MEI1: variants seen among roughly 807,000 people sequenced by gnomAD.
MEI1 encodes meiosis inhibitor protein 1.
MEI1 carries 103 observed loss-of-function variants against 146.2 expected under a neutral mutation model. That is an observed-to-expected ratio of 0.70 (90% CI 0.60 to 0.83). MEI1 has a LOEUF of 0.83. Ranked by LOEUF, MEI1 falls within the 40% of genes least tolerant of loss-of-function variation. MEI1 has a pLI of 0.00. For missense variants in MEI1, 1,529 were observed against 1,533.0 expected, an observed-to-expected ratio of 1.00 and a Z score of 0.04; for synonymous variants, 652 against 628.2, an observed-to-expected ratio of 1.04 and a Z score of -0.57.
At chr22:41,720,522 C>T (rs914191054) in intron 6 of MEI1, among the ~76,000 whole-genome samples, 3 of 151,852 alleles carry the variant, frequency 2.0e-5, no homozygotes, top group Non-Finnish European at 4.4e-5. Context: ...CCTTGACCTC[C>T]AGGGCTTAAA....
At chr22:41,732,153 A>C (rs1344471017) in intron 9 of MEI1, 92 bp from the exon 10 acceptor site, 2 of 995,784 alleles carry the variant, frequency 2.0e-6, no homozygotes, top group Non-Finnish European at 3.0e-6. Flanking sequence ...CAACTCATAC[A>C]TGCTGTCCAG....
At chr22:41,798,246 C>T (rs1253144611) in intron 30 of MEI1, among the ~76,000 whole-genome samples, 6 of 151,822 alleles carry the variant, frequency 4.0e-5, no homozygotes, top group Non-Finnish European at 8.8e-5. Context: ...CACACACACA[C>T]AATGTGTGTG....
rs1189212836 is a variant in MEI1, at chr22:41,732,505, C to G, written c.1233C>G (p.Ala411=). The G allele has an allele frequency of 1.2e-6, 2 of 1,613,908 alleles. No homozygotes were observed. The highest frequency in any genetic ancestry group is 3.3e-5 in the Admixed American group (2 of 60,018). Residue 411 remains alanine, a synonymous_variant, in exon 11 of 31, where the codon GCC becomes GCG. Coordinates refer to ENST00000401548, the MANE Select transcript of MEI1 (RefSeq NM_152513.4). Reference sequence around the variant, plus strand: ...AGATCAAGCTGTTCACAAGCTCAGCCATGTGCAGAGATGCTGGCCGTGCCC... The same window carrying G: ...AGATCAAGCTGTTCACAAGCTCAGCGATGTGCAGAGATGCTGGCCGTGCCC... ...PEEIKLFTSS[A]MCRDAGRALQ...
Position 41,793,937 on chromosome 22 carries a change from T to G in MEI1, c.3427+27T>G, listed in dbSNP as rs78516631. 9.4e-6 allele frequency: 15 copies of G among 1,594,024 alleles called. 1 individual carries two copies. In the East Asian group the frequency reaches 1.1e-4, roughly 12 times the overall value. On this transcript the variant is annotated intron_variant, in intron 27 of 30. Transcript: ENST00000401548. ...TAGAAACTCTCCACATTATCTGATG[T>G]TCCCATGAGAGAGATTAGAGGGAGC... is the stretch of plus-strand genomic sequence containing the variant.
In MEI1 at chr22:41,781,307, A is replaced by G; in HGVS notation, c.2839A>G (p.Ser947Gly). The G allele has an allele frequency of 1.9e-6, 3 of 1,612,774 alleles. No individual in the cohort carries two copies. ...AGTAAGCAAGCTGTGTGGGAAGTGC[A>G]GCCCCACTGACGTGGACATCCTGCA... The part of the protein sequence containing the change: ...HQVSKLCGKC[S>G]PTDVDILQPS... Residue 947 changes from serine to glycine, a missense_variant, in exon 23 of 31, where the codon AGC becomes GGC. This residue lies in a region of MEI1 where 1,212 missense variants were observed against 1,178.9 expected (regional missense o/e 1.03). Coordinates refer to ENST00000401548, the MANE Select transcript of MEI1 (RefSeq NM_152513.4).
intron 26 of MEI1, among the ~76,000 whole-genome samples, chr22:41,786,654 G>A (rs557140238): frequency 6.6e-6 from 1 of 152,326 alleles, no homozygotes; most frequent in East Asian, 1.9e-4. Context: ...CATGGCTGGG[G>A]CATGGGATGC....
chr22:41,767,489 C>G, intron 19 of MEI1: 1 of 445,122 alleles, frequency 2.2e-6, no homozygotes, highest in Non-Finnish European at 4.6e-6. Context: ...CTGAGGATCC[C>G]CAATAGCCAG....
chr22:41,699,714 T>A lies in MEI1; in HGVS notation c.174+2T>A. On this transcript the variant is annotated splice_donor_variant, in intron 1 of 30. Coordinates refer to ENST00000401548, the MANE Select transcript of MEI1 (RefSeq NM_152513.4). LOFTEE classifies it high-confidence loss of function. Reference sequence around the variant, plus strand: ...CTGCTGCCGGACCCCGGCGTGTCGGTGCGGGCGGAACCTTTTCTTCAGAAG... The same window carrying A: ...CTGCTGCCGGACCCCGGCGTGTCGGAGCGGGCGGAACCTTTTCTTCAGAAG... 6.4e-7 allele frequency: 1 copy of A among 1,561,118 alleles called. No homozygotes were observed. The highest frequency in any genetic ancestry group is 8.7e-7 in the Non-Finnish European group (1 of 1,154,540).
chr22:41,793,409 C>G (rs998987786), intron 26 of MEI1, among the ~76,000 whole-genome samples: 1 of 152,136 alleles, frequency 6.6e-6, no homozygotes, highest in East Asian at 1.9e-4. Flanking sequence ...TCAATCGATT[C>G]TCCTGCCTCA....
rs751092023 is a variant in MEI1 at position 41,770,682 on chromosome 22, C to G, written c.2269-4C>G. On this transcript the variant is annotated splice_region_variant and splice_polypyrimidine_tract_variant and intron_variant, in intron 19 of 30. Coordinates refer to ENST00000401548, the MANE Select transcript of MEI1 (RefSeq NM_152513.4). ...TTTACCTCCTTTCTTTGTTTTGCCT[C>G]CAGACTATGGTCAGTGCAATCAGAA... 27 of 1,612,092 alleles carry G rather than the reference C, an allele frequency of 1.7e-5. No individual in the cohort carries two copies. The highest frequency in any genetic ancestry group is 1.5e-5 in the Non-Finnish European group (18 of 1,178,920).
At position 41,743,121 on chromosome 22, in the gene MEI1, T is replaced by A. The variant is rs568106819; in HGVS notation, c.1373T>A (p.Leu458Gln). The change falls in exon 12 of 31, where the codon CTG (leucine) becomes CAG (glutamine). Residue 458 changes from leucine to glutamine, a missense_variant. Transcript: ENST00000401548. ...ACTCCACCTGTGCAGTATGGGGAAC[T>A]GCAGGCTTTGCTAGAAGCCATGCTA... ...QSTPPVQYGE[L>Q]QALLEAMLNR... 1 of 1,613,372 alleles carries A rather than the reference T, an allele frequency of 6.2e-7. No individual in the cohort carries two copies. Among genetic ancestry groups the A allele is most frequent in the Non-Finnish European group, 8.5e-7 (1 of 1,179,814 alleles).
chr22:41,772,298 T>G (rs1380347176), intron 20 of MEI1, among the ~76,000 whole-genome samples: 3 of 152,178 alleles, frequency 2.0e-5, no homozygotes, highest in Non-Finnish European at 4.4e-5. Context: ...CATGGCTCAC[T>G]GCAGCGTCAA....
chr22:41,699,793 G>T (rs1018118709), intron 1 of MEI1, 81 bp downstream of exon 1: 4 of 1,445,152 alleles, frequency 2.8e-6, no homozygotes, highest in Non-Finnish European at 2.7e-6. Flanking sequence ...TGCCAGACCC[G>T]CTCCGGTGAA....
At chr22:41,724,750 C>T (rs1396758664) in intron 7 of MEI1, among the ~76,000 whole-genome samples, 3 of 151,946 alleles carry the variant, frequency 2.0e-5, no homozygotes, top group Admixed American at 1.3e-4. Flanking sequence ...ATGATCATGC[C>T]ACTACACTCC....
chr22:41,781,595 A>G, intron 23 of MEI1, 90 bp from the exon 24 acceptor site: 1 of 1,439,978 alleles, frequency 6.9e-7, no homozygotes, highest in Non-Finnish European at 9.4e-7. Context: ...TTTGTTTGTG[A>G]AGCCCCAATC....
At chr22:41,759,683 G>A (rs1460762386) in intron 18 of MEI1, among the ~76,000 whole-genome samples, 1 of 149,418 alleles carries the variant, frequency 6.7e-6, no homozygotes, top group Non-Finnish European at 1.5e-5. Context: ...ACAAAAATCA[G>A]CCGGGCATGG....
At chr22:41,732,222 T>A in intron 9 of MEI1, 23 bp from the exon 10 acceptor site, 1 of 1,579,518 alleles carries the variant, frequency 6.3e-7, no homozygotes. Flanking sequence ...ATCCCTGGCC[T>A]CTGTCATGTC....
chr22:41,736,292 C>A (rs537260879), intron 11 of MEI1, among the ~76,000 whole-genome samples: 41 of 149,150 alleles, frequency 2.7e-4, no homozygotes, highest in Middle Eastern at 6.9e-3. Context: ...CTTTGTCTCC[C>A]ACGCTGGAGT....
intron 24 of MEI1, among the ~76,000 whole-genome samples, chr22:41,783,120 C>A (rs2075824636): frequency 6.6e-6 from 1 of 152,134 alleles, no homozygotes; most frequent in South Asian, 2.1e-4. Context: ...TTGTGCTTCT[C>A]CCAGTCAGCT....
Sources: allele counts gnomAD v4.1 joint callset (sites outside exome capture counted in the v4.1 genomes callset), GRCh38; gene constraint gnomAD v4.1.1; regional missense constraint gnomAD v4.1.1; transcripts MANE v1.5; gene names NCBI Gene and HGNC (gene_info 2026-07-23, HGNC 2026-07-21).